Variants in SLC4A10 observed in about 807,000 individuals in gnomAD.
SLC4A10 encodes solute carrier family 4 member 10, also known as sodium-driven chloride bicarbonate exchanger.
Under a neutral mutation model 137.7 loss-of-function variants are expected in SLC4A10, and 42 were observed. The ratio of observed to expected loss-of-function variants is 0.30; its 90% CI spans 0.24 to 0.39. SLC4A10 has a LOEUF of 0.39. Among genes scored for constraint, SLC4A10 ranks in the 10% least tolerant of loss-of-function variants. The probability of loss-of-function intolerance (pLI) is 1.00; values close to 1 mark genes in which losing one functional copy is unlikely to be tolerated. For synonymous variants in SLC4A10, 474 were observed against 464.1 expected, an observed-to-expected ratio of 1.02 and a Z score of -0.27; for missense variants, 925 against 1,355.0, an observed-to-expected ratio of 0.68 and a Z score of 4.98.
At chr2:161,964,553 T>C (rs1188173918) in intron 22 of SLC4A10, among the ~76,000 whole-genome samples, 1 of 152,168 alleles carries the variant, frequency 6.6e-6, no homozygotes, top group African/African-American at 2.4e-5. Flanking sequence ...TGAAGCTGGA[T>C]GGAAAAATGC....
chr2:161,750,137 CT>C (rs1001294933), intron 1 of SLC4A10, among the ~76,000 whole-genome samples: 4 of 151,512 alleles, frequency 2.6e-5, no homozygotes, highest in Non-Finnish European at 4.4e-5. Context: ...AGTCTTCTCT[CT>C]TTTTTTCTTA....
intron 2 of SLC4A10, among the ~76,000 whole-genome samples, chr2:161,797,416 C>T (rs573374345): frequency 2.6e-5 from 4 of 152,204 alleles, no homozygotes; most frequent in Admixed American, 1.3e-4. Context: ...CATTTGATGG[C>T]TGGTACCACA....
intron 1 of SLC4A10, among the ~76,000 whole-genome samples, chr2:161,652,806 C>T (rs2036986209): frequency 6.7e-6 from 1 of 149,234 alleles, no homozygotes; most frequent in Non-Finnish European, 1.5e-5. Context: ...TTTTTTTTGA[C>T]CTAATTGACA....
At chr2:161,910,754 C>A (rs1254573736) in intron 15 of SLC4A10, among the ~76,000 whole-genome samples, 2 of 151,830 alleles carry the variant, frequency 1.3e-5, no homozygotes, top group African/African-American at 4.8e-5. Context: ...TTTTGTTTAT[C>A]TAGCACCCAG....
At chr2:161,816,380 G>A (rs982744980) in intron 3 of SLC4A10, among the ~76,000 whole-genome samples, 1 of 152,144 alleles carries the variant, frequency 6.6e-6, no homozygotes, top group Non-Finnish European at 1.5e-5. Flanking sequence ...GTTAATTGCA[G>A]TATGAATCTG....
chr2:161,732,222 T>A (rs1188477668), intron 1 of SLC4A10, among the ~76,000 whole-genome samples: 2 of 152,172 alleles, frequency 1.3e-5, no homozygotes, highest in Non-Finnish European at 2.9e-5. Flanking sequence ...TTGGCATCTG[T>A]TTACTCCCCA....
intron 11 of SLC4A10, among the ~76,000 whole-genome samples, chr2:161,896,153 C>G (rs2063476787): frequency 6.6e-6 from 1 of 151,994 alleles, no homozygotes; most frequent in Non-Finnish European, 1.5e-5. Flanking sequence ...TTTCCCAGCA[C>G]CATTTATTAA....
chr2:161,670,145 A>G (rs1696763771), intron 1 of SLC4A10, among the ~76,000 whole-genome samples: 1 of 152,072 alleles, frequency 6.6e-6, no homozygotes, highest in Admixed American at 6.6e-5. Context: ...AGAAATGAAT[A>G]ATGTTATCAT....
intron 3 of SLC4A10, among the ~76,000 whole-genome samples, chr2:161,817,179 G>A (rs1031701482): frequency 1.3e-5 from 2 of 152,156 alleles, no homozygotes; most frequent in African/African-American, 2.4e-5. Context: ...ATTCTAAGTG[G>A]TATGAGATGG....
chr2:161,643,249 T>C (rs2035553556), intron 1 of SLC4A10, among the ~76,000 whole-genome samples: 1 of 152,068 alleles, frequency 6.6e-6, no homozygotes, highest in Non-Finnish European at 1.5e-5. Context: ...ATTAAATGAA[T>C]AGAAATCAGA....
intron 2 of SLC4A10, among the ~76,000 whole-genome samples, chr2:161,793,608 T>G (rs1339128915): frequency 2.0e-5 from 3 of 152,092 alleles, no homozygotes; most frequent in Non-Finnish European, 4.4e-5. Context: ...TTTTCTTCCC[T>G]TCTCTCTCTC....
chr2:161,856,358 AACACACACACAC>A (rs55983659), intron 5 of SLC4A10, among the ~76,000 whole-genome samples: 45 of 141,926 alleles, frequency 3.2e-4, no homozygotes, highest in African/African-American at 9.7e-4. Flanking sequence ...AAAATACTAA[AACACACACACAC>A]ACACACACAC....
rs770330131 is a variant in SLC4A10 at position 161,862,970 on chromosome 2, A to G, written c.674A>G (p.Asn225Ser). The G allele has an allele frequency of 9.3e-6, 15 of 1,613,818 alleles. No individual in the cohort carries two copies. The South Asian group carries it at 1.5e-4, about 17-fold the overall frequency. The stretch of plus-strand genomic sequence containing the variant: ...TTGATGAAACAGCATCATCATCAGA[A>G]TCAGAAAAAACTCACCAACAGGATT... ...EALMKQHHHQ[N>S]QKKLTNRIPI... Residue 225 changes from asparagine to serine, a missense_variant, in exon 6 of 27, where the codon AAT becomes AGT. Physicochemically the swap from Asn to Ser is conservative, Grantham distance 46. Coordinates refer to ENST00000446997, the MANE Select transcript of SLC4A10 (RefSeq NM_001178015.2).
intron 3 of SLC4A10, among the ~76,000 whole-genome samples, chr2:161,812,657 T>A (rs2056666464): frequency 2.0e-5 from 3 of 152,134 alleles, no homozygotes; most frequent in Admixed American, 1.3e-4. Flanking sequence ...CTTAGAGTAA[T>A]GGCCTCCAGC....
intron 1 of SLC4A10, among the ~76,000 whole-genome samples, chr2:161,650,407 C>T (rs895962945): frequency 6.6e-6 from 1 of 152,356 alleles, no homozygotes; most frequent in East Asian, 1.9e-4. Flanking sequence ...CCAGCTGCAG[C>T]GGCGGAGGCC....
chr2:161,692,604 G>C (rs1466927867), intron 1 of SLC4A10, among the ~76,000 whole-genome samples: 1 of 152,006 alleles, frequency 6.6e-6, no homozygotes, highest in East Asian at 1.9e-4. Flanking sequence ...GCTAATGAAA[G>C]ACTCTTCAAT....
rs759717096 is a variant in SLC4A10, at chr2:161,873,530, C to CAAAAAAAA, written c.859-367_859-360dup. 3.5e-4 allele frequency among the ~76,000 whole-genome samples: 6 copies of CAAAAAAAA among 17,330 alleles called. 1 individual carries two copies. The highest frequency in any genetic ancestry group is 6.6e-4 in the Non-Finnish European group (6 of 9,066). 11.4% of individuals were successfully genotyped at this position (17,330 alleles called of 152,430 possible). A position where few individuals can be genotyped will look rare whatever the true frequency, so the allele number is the denominator to read the frequency against. ...TGGGTGACAGAGTGAGACCACATCT[C>CAAAAAAAA]AAAAAAAAAAAAAAAAAAAAAAAAA... On this transcript the variant is annotated intron_variant, in intron 7 of 26. Coordinates refer to ENST00000446997, the MANE Select transcript of SLC4A10 (RefSeq NM_001178015.2).
intron 3 of SLC4A10, among the ~76,000 whole-genome samples, chr2:161,839,089 A>C (rs1227920): frequency 0.69 from 104,692 of 152,134 alleles, 36,376 homozygotes; most frequent in East Asian, 0.98. Flanking sequence ...ATGCATAAGC[A>C]AAGAGTGGTA....
At chr2:161,664,653 TGAAAATATTTATG>T (rs1222941905) in intron 1 of SLC4A10, among the ~76,000 whole-genome samples, 11 of 151,724 alleles carry the variant, frequency 7.3e-5, no homozygotes, top group Non-Finnish European at 4.4e-5. Flanking sequence ...GGACTTAGAA[TGAAAATATTTATG>T]GAAAATATTG....
Sources: gnomAD v4.1 joint callset for allele counts (sites outside exome capture counted in the v4.1 genomes callset) on GRCh38, gnomAD v4.1.1 for gene constraint, MANE v1.5 for transcripts, NCBI Gene and HGNC (gene_info 2026-07-23, HGNC 2026-07-21) for gene names.